The following WDR35 variants were observed in gnomAD, a reference collection of about 807,000 sequenced individuals.
WDR35 encodes the protein WD repeat-containing protein 35.
WDR35 carries 118 observed loss-of-function variants against 158.3 expected under a neutral mutation model. The ratio of observed to expected loss-of-function variants is 0.75; its 90% CI spans 0.64 to 0.87. The LOEUF (loss-of-function observed/expected upper bound fraction) is 0.87, where lower values mean the gene tolerates loss of function less well. WDR35 is among the 40% of genes least tolerant of loss of function. WDR35 has a pLI of 0.00. For missense variants in WDR35, 1,263 were observed against 1,405.8 expected (o/e 0.90, Z 1.62); for synonymous variants, 448 against 476.1 (o/e 0.94, Z 0.77).
At chr2:19,918,502 G>T (rs140339312) in intron 25 of WDR35, among the ~76,000 whole-genome samples, 65 of 152,126 alleles carry the variant, frequency 4.3e-4, no homozygotes, top group African/African-American at 1.5e-3. Context: ...CCATCTCACG[G>T]GCAAAGACAT....
chr2:19,969,739 G>A, intron 8 of WDR35, 134 bp from the exon 9 acceptor site: 1 of 844,822 alleles, frequency 1.2e-6, no homozygotes, highest in South Asian at 1.8e-5. Context: ...TTAAAATCAT[G>A]TTTCTTGAAT....
At chr2:19,959,578 G>A (rs12990087) in intron 11 of WDR35, among the ~76,000 whole-genome samples, 38,560 of 151,716 alleles carry the variant, frequency 0.25, 4,958 homozygotes, top group African/African-American at 0.26. Flanking sequence ...TAAGTGAGTA[G>A]GTTATCAAGA....
chr2:19,933,320 C>A, intron 22 of WDR35, 81 bp downstream of exon 22: 3 of 1,131,798 alleles, frequency 2.7e-6, no homozygotes, highest in Middle Eastern at 1.9e-4. Flanking sequence ...TTTAAAAGAT[C>A]ACTAGGGTGA....
intron 25 of WDR35, among the ~76,000 whole-genome samples, chr2:19,919,073 G>T (rs1670078005): frequency 6.6e-6 from 1 of 152,080 alleles, no homozygotes; most frequent in African/African-American, 2.4e-5. Context: ...AATCAAATTA[G>T]AACTCAGGAT....
At position 19,978,739 on chromosome 2, in the gene WDR35, T is replaced by G; in HGVS notation, c.436+12A>C. 6.2e-7 allele frequency: 1 copy of G among 1,613,662 alleles called. No individual in the cohort carries two copies. The highest frequency in any genetic ancestry group is 8.5e-7 in the Non-Finnish European group (1 of 1,179,764). ...ATATTGATCTTAGTTCTATGTCCAA[T>G]CAATACATTACCATCCACTGAACCA... On this transcript the variant is annotated intron_variant, in intron 5 of 26. Coordinates refer to ENST00000281405, the MANE Select transcript of WDR35 (RefSeq NM_020779.4).
chr2:19,911,846 A>G lies in WDR35; in HGVS notation c.*1712T>C, dbSNP rs1473931814. ...ATTCAATTACCCACTGGTGACACTC[A>G]TTCTGGCCTGTCCTTACCCAAGAAA... On this transcript the variant is annotated 3_prime_UTR_variant, in exon 27 of 27. Transcript: ENST00000281405. The G allele has an allele frequency of 6.6e-6, 1 of 152,258 alleles. No homozygotes were observed. Among genetic ancestry groups the G allele is most frequent in the Non-Finnish European group, 1.5e-5 (1 of 68,048 alleles). 9.4% of individuals were successfully genotyped at this position (152,258 alleles called of 1,614,324 possible).
chr2:19,943,223 T>C (rs1215358300), intron 16 of WDR35, among the ~76,000 whole-genome samples: 1 of 152,088 alleles, frequency 6.6e-6, no homozygotes, highest in Non-Finnish European at 1.5e-5. Flanking sequence ...ACACCTCTCT[T>C]ACTCCTAGCA....
chr2:19,933,367 A>G (rs750170902), intron 22 of WDR35, 34 bp downstream of exon 22: 1 of 1,565,650 alleles, frequency 6.4e-7, no homozygotes, highest in Non-Finnish European at 8.8e-7. Context: ...TCCTAAGACA[A>G]TAAGCTGCAC....
At chr2:19,927,776 T>C (rs1670402301) in intron 25 of WDR35, among the ~76,000 whole-genome samples, 1 of 152,228 alleles carries the variant, frequency 6.6e-6, no homozygotes, top group African/African-American at 2.4e-5. Flanking sequence ...TGCCAAGAAC[T>C]GGAGTGCTTA....
intron 23 of WDR35, among the ~76,000 whole-genome samples, chr2:19,932,054 C>T (rs1405177615): frequency 1.3e-5 from 2 of 152,030 alleles, no homozygotes. Flanking sequence ...TTTGTTAACT[C>T]CAGTATTCAA....
At chr2:19,979,422 G>GA (rs1672314376) in intron 4 of WDR35, among the ~76,000 whole-genome samples, 1 of 152,058 alleles carries the variant, frequency 6.6e-6, no homozygotes, top group Non-Finnish European at 1.5e-5. Context: ...AAGCCTGCTT[G>GA]AAAAAATTCT....
chr2:19,965,991 T>G (rs1671839621), intron 10 of WDR35, among the ~76,000 whole-genome samples: 1 of 152,206 alleles, frequency 6.6e-6, no homozygotes, highest in African/African-American at 2.4e-5. Flanking sequence ...TACTCTAACC[T>G]ACAAAATGTT....
At chr2:19,919,116 C>T (rs1353803808) in intron 25 of WDR35, among the ~76,000 whole-genome samples, 1 of 152,152 alleles carries the variant, frequency 6.6e-6, no homozygotes, top group African/African-American at 2.4e-5. Flanking sequence ...CGCAGTGGCT[C>T]ACGCCTGTAA....
At chr2:19,918,159 G>A (rs564921099) in intron 25 of WDR35, among the ~76,000 whole-genome samples, 2 of 152,238 alleles carry the variant, frequency 1.3e-5, no homozygotes, top group East Asian at 1.9e-4. Flanking sequence ...ATAAGCAAAG[G>A]AGAAATAAAA....
chr2:19,969,811 G>T (rs1671978834), intron 8 of WDR35, among the ~76,000 whole-genome samples: 1 of 150,206 alleles, frequency 6.7e-6, no homozygotes, highest in Non-Finnish European at 1.5e-5. Context: ...GCAGTGGCGT[G>T]ATCTCGGCTC....
intron 25 of WDR35, among the ~76,000 whole-genome samples, chr2:19,923,281 T>C (rs1670239482): frequency 6.6e-6 from 1 of 152,130 alleles, no homozygotes; most frequent in African/African-American, 2.4e-5. Flanking sequence ...CCGTGGGGGC[T>C]TGAATCCAGA....
chr2:19,966,137 T>G (rs1671844418), intron 10 of WDR35, among the ~76,000 whole-genome samples: 1 of 152,178 alleles, frequency 6.6e-6, no homozygotes, highest in South Asian at 2.1e-4. Context: ...AACAAAAAAC[T>G]CTATACTTTT....
chr2:19,972,749 T>C (rs1049195552), intron 8 of WDR35, among the ~76,000 whole-genome samples: 17 of 152,178 alleles, frequency 1.1e-4, no homozygotes, highest in Admixed American at 2.6e-4. Flanking sequence ...ACAACTGGTA[T>C]AGGCTTTTAT....
chr2:19,925,313 GA>G (rs1402951372), intron 25 of WDR35, among the ~76,000 whole-genome samples: 1 of 152,246 alleles, frequency 6.6e-6, no homozygotes, highest in African/African-American at 2.4e-5. Context: ...AAGAAGCCAG[GA>G]GAGTGCATAG....
Sources: gnomAD v4.1 joint callset for allele counts (sites outside exome capture counted in the v4.1 genomes callset) on GRCh38, gnomAD v4.1.1 for gene constraint, MANE v1.5 for transcripts, NCBI Gene and HGNC (gene_info 2026-07-23, HGNC 2026-07-21) for gene names.